TRAPPC9: variants seen among roughly 807,000 people sequenced by gnomAD.
TRAPPC9 encodes the protein IKK2 binding protein.
A neutral mutation model predicts 124.0 loss-of-function variants in TRAPPC9; 83 were observed. The ratio of observed to expected loss-of-function variants is 0.67; its 90% confidence interval spans 0.56 to 0.80. The LOEUF (loss-of-function observed/expected upper bound fraction) is 0.80, where lower values mean the gene tolerates loss of function less well. TRAPPC9 is among the 30% of genes least tolerant of loss of function. The probability of loss-of-function intolerance (pLI) is 0.00; values close to 1 mark genes in which losing one functional copy is unlikely to be tolerated. For synonymous variants in TRAPPC9, 638 were observed against 617.5 expected (o/e 1.03, Z -0.49); for missense variants, 1,302 against 1,508.3 (o/e 0.86, Z 2.27).
At chr8:140,292,311 C>T (rs549964077) in intron 11 of TRAPPC9, among the ~76,000 whole-genome samples, 1 of 152,178 alleles carries the variant, frequency 6.6e-6, no homozygotes. Flanking sequence ...AAGGCAAACA[C>T]TCAAGGTCCA....
intron 21 of TRAPPC9, among the ~76,000 whole-genome samples, chr8:139,827,907 A>G (rs1825746541): frequency 6.6e-6 from 1 of 152,182 alleles, no homozygotes. Context: ...CGTGTCACAC[A>G]GTGAGAGCAA....
intron 7 of TRAPPC9, among the ~76,000 whole-genome samples, chr8:140,380,654 C>CAAAAAAAAAA (rs563391017): frequency 1.2e-4 from 6 of 48,578 alleles, no homozygotes; most frequent in Non-Finnish European, 2.2e-4. Flanking sequence ...GACTCTGTCT[C>CAAAAAAAAAA]AAAAAAAAAA....
At chr8:140,443,929 G>A (rs771183810) in intron 2 of TRAPPC9, among the ~76,000 whole-genome samples, 6 of 150,824 alleles carry the variant, frequency 4.0e-5, no homozygotes, top group African/African-American at 7.3e-5. Context: ...CCAGCTACTC[G>A]GGAGACTGAG....
chr8:140,143,242 C>T (rs1267640828), intron 17 of TRAPPC9, among the ~76,000 whole-genome samples: 3 of 152,164 alleles, frequency 2.0e-5, no homozygotes, highest in Non-Finnish European at 4.4e-5. Context: ...CACAGCTGGG[C>T]AGAAGTCTGG....
intron 17 of TRAPPC9, among the ~76,000 whole-genome samples, chr8:140,186,963 G>C (rs1345871049): frequency 1.3e-5 from 2 of 152,122 alleles, no homozygotes; most frequent in Non-Finnish European, 2.9e-5. Flanking sequence ...TTTTATTCCA[G>C]TGGGAGTGAG....
intron 21 of TRAPPC9, among the ~76,000 whole-genome samples, chr8:139,783,059 G>T (rs1484497630): frequency 2.0e-5 from 3 of 151,944 alleles, no homozygotes; most frequent in Non-Finnish European, 2.9e-5. Context: ...TGCTTACAAG[G>T]AAATTCATAG....
chr8:139,938,377 C>T (rs1371185030), intron 19 of TRAPPC9, among the ~76,000 whole-genome samples: 1 of 152,054 alleles, frequency 6.6e-6, no homozygotes, highest in Non-Finnish European at 1.5e-5. Flanking sequence ...CTCCGCCTCC[C>T]GGGTTCACGC....
chr8:140,135,014 A>G (rs1242151642), intron 17 of TRAPPC9, among the ~76,000 whole-genome samples: 1 of 152,250 alleles, frequency 6.6e-6, no homozygotes, highest in East Asian at 1.9e-4. Context: ...GGCCTTAGAT[A>G]GATTTTTCTT....
chr8:140,273,426 C>A (rs888445163), intron 15 of TRAPPC9, among the ~76,000 whole-genome samples: 1 of 152,210 alleles, frequency 6.6e-6, no homozygotes, highest in African/African-American at 2.4e-5. Context: ...TGATCCAGCT[C>A]GGCTTGGGCT....
chr8:139,999,218 G>T lies in TRAPPC9; in HGVS notation c.2700-10382C>A, dbSNP rs551360352. Among the ~76,000 whole-genome samples the T allele has an allele frequency of 2.6e-5, 4 of 152,060 alleles. No homozygotes were observed. The South Asian group carries it at 8.3e-4, about 32-fold the overall frequency. ...AACAAAAAAAAACACTCAACTATAT[G>T]CTATCTATAATAAATCCACTCTAAA... On this transcript the variant is annotated intron_variant, in intron 18 of 22. Coordinates refer to ENST00000438773, the MANE Select transcript of TRAPPC9 (RefSeq NM_001160372.4).
intron 17 of TRAPPC9, among the ~76,000 whole-genome samples, chr8:140,138,113 C>T (rs552203036): frequency 6.6e-6 from 1 of 152,274 alleles, no homozygotes; most frequent in South Asian, 2.1e-4. Context: ...TCAGCCTGAC[C>T]AACATGGTGA....
At chr8:140,440,273 C>T (rs1302488686) in intron 2 of TRAPPC9, among the ~76,000 whole-genome samples, 2 of 152,038 alleles carry the variant, frequency 1.3e-5, no homozygotes, top group African/African-American at 2.4e-5. Flanking sequence ...TTTGGGAGAC[C>T]GAGGCGGGCG....
chr8:139,951,150 A>C (rs2131507053), intron 19 of TRAPPC9, among the ~76,000 whole-genome samples: 1 of 152,270 alleles, frequency 6.6e-6, no homozygotes, highest in Admixed American at 6.5e-5. Context: ...GACACCTCAC[A>C]GAATTGGTAT....
chr8:139,851,648 G>A lies in TRAPPC9; in HGVS notation c.3055+34231C>T, dbSNP rs1457329308. On this transcript the variant is annotated intron_variant, in intron 21 of 22. Coordinates refer to ENST00000438773, the MANE Select transcript of TRAPPC9 (RefSeq NM_001160372.4). ...GAATCCTGGAGAGTGCCGGAAAACC[G>A]AACCCAACGTTCAAAAGGGAAATGA... is the stretch of plus-strand genomic sequence containing the variant. 1.1e-4 allele frequency among the ~76,000 whole-genome samples: 17 copies of A among 152,290 alleles called. No homozygotes were observed. The East Asian group carries it at 2.7e-3, about 24-fold the overall frequency.
chr8:140,003,296 C>T (rs568498917), intron 18 of TRAPPC9, among the ~76,000 whole-genome samples: 11 of 152,070 alleles, frequency 7.2e-5, no homozygotes, highest in South Asian at 4.2e-4. Context: ...CAAATTAGGC[C>T]GGGTGCGGTG....
intron 1 of TRAPPC9, 75 bp downstream of exon 1, chr8:140,457,564 C>T (rs1177933173): frequency 2.0e-6 from 2 of 979,598 alleles, no homozygotes; most frequent in African/African-American, 3.5e-5. Flanking sequence ...CGCGCCGACT[C>T]CACGGCCAGC....
chr8:140,007,500 C>T (rs1288965406), intron 18 of TRAPPC9, among the ~76,000 whole-genome samples: 1 of 152,198 alleles, frequency 6.6e-6, no homozygotes, highest in Non-Finnish European at 1.5e-5. Context: ...AATCATGTTT[C>T]ATGCATCACC....
intron 18 of TRAPPC9, among the ~76,000 whole-genome samples, chr8:139,989,359 C>T (rs866355201): frequency 6.6e-6 from 1 of 152,208 alleles, no homozygotes; most frequent in Non-Finnish European, 1.5e-5. Context: ...GGGCACCTCT[C>T]GAACTGGGGC....
intron 12 of TRAPPC9, among the ~76,000 whole-genome samples, chr8:140,290,705 G>A (rs537862589): frequency 3.9e-5 from 6 of 152,226 alleles, no homozygotes; most frequent in African/African-American, 9.6e-5. Context: ...CACATCTCAC[G>A]TAAGCTTCGA....
Sources: allele counts gnomAD v4.1 joint callset (sites outside exome capture counted in the v4.1 genomes callset), GRCh38; gene constraint gnomAD v4.1.1; transcripts MANE v1.5; gene names NCBI Gene and HGNC (gene_info 2026-07-23, HGNC 2026-07-21).